Variants in ST7 observed in about 807,000 individuals in gnomAD.
ST7 encodes the protein suppression of tumorigenicity 7.
A neutral mutation model predicts 78.7 loss-of-function variants in ST7; 28 were observed. The ratio of observed to expected loss-of-function variants is 0.36; its 90% confidence interval spans 0.26 to 0.49. The LOEUF is 0.49. ST7 is among the 20% of genes least tolerant of loss of function. The pLI is 0.99. For synonymous variants in ST7, 247 were observed against 249.6 expected, an observed-to-expected ratio of 0.99 and a Z score of 0.10; for missense variants, 418 against 696.0, an observed-to-expected ratio of 0.60 and a Z score of 4.49.
At chr7:117,006,839 T>C (rs968024824) in intron 1 of ST7, among the ~76,000 whole-genome samples, 8 of 152,184 alleles carry the variant, frequency 5.3e-5, no homozygotes, top group Admixed American at 4.6e-4. Flanking sequence ...TTATATCTGT[T>C]ATGGTGAGCT....
At chr7:117,043,080 A>T (rs989839836) in intron 1 of ST7, among the ~76,000 whole-genome samples, 3 of 152,220 alleles carry the variant, frequency 2.0e-5, no homozygotes, top group Non-Finnish European at 2.9e-5. Context: ...TTTAGAACTA[A>T]TGTAATCCAT....
intron 6 of ST7, 112 bp from the exon 7 acceptor site, chr7:117,134,012 G>T: frequency 7.3e-7 from 1 of 1,379,280 alleles, no homozygotes; most frequent in Non-Finnish European, 9.7e-7. Context: ...TGAATTTTTT[G>T]AAGTCCACCT....
At position 117,172,134 on chromosome 7, in the gene ST7, G is replaced by A. The variant is rs34290203; in HGVS notation, c.1078+1158G>A. Among the ~76,000 whole-genome samples the A allele has an allele frequency of 1.2e-3, 186 of 151,992 alleles. 2 individuals carry two copies. Among genetic ancestry groups the A allele is most frequent in the Admixed American group, 4.5e-3 (68 of 15,258 alleles). Reference sequence around the variant, plus strand: ...CTTGGCTAATTTTTAAATTTTTTTTGTAGAGACTGGTTATCGTTATGTTAC... The same window carrying A: ...CTTGGCTAATTTTTAAATTTTTTTTATAGAGACTGGTTATCGTTATGTTAC... On this transcript the variant is annotated intron_variant, in intron 10 of 15. Coordinates refer to ENST00000323984, the MANE Select transcript of ST7 (RefSeq NM_001369598.1).
intron 2 of ST7, among the ~76,000 whole-genome samples, chr7:117,101,126 G>T (rs957507809): frequency 6.6e-6 from 1 of 152,142 alleles, no homozygotes; most frequent in Admixed American, 6.5e-5. Flanking sequence ...ATGGCAGTGT[G>T]GGGAGGATCT....
intron 10 of ST7, chr7:117,173,608 G>A (rs1464673322): frequency 6.6e-6 from 1 of 152,174 alleles, no homozygotes; most frequent in Non-Finnish European, 1.5e-5. Context: ...AGCTTTTAGG[G>A]CATTCTGATC....
chr7:117,183,794 A>G lies in ST7; in HGVS notation c.1079-5527A>G, dbSNP rs533096012. ...GAGAAATGAGTTTTCTTACGCTTAC[A>G]CAAAAATGATCACAGCAGCTTTCTT... On this transcript the variant is annotated intron_variant, in intron 10 of 15. Transcript: ENST00000323984. Among the ~76,000 whole-genome samples, 7 of 152,358 alleles carry G rather than the reference A, an allele frequency of 4.6e-5. No individual in the cohort carries two copies. The East Asian group carries it at 1.3e-3, about 29-fold the overall frequency.
rs1235593301 is a variant in ST7, at chr7:117,219,811, C to G, written c.1498+635C>G. 6.6e-6 allele frequency among the ~76,000 whole-genome samples: 1 copy of G among 152,264 alleles called. No individual in the cohort carries two copies. Among genetic ancestry groups the G allele is most frequent in the African/African-American group, 2.4e-5 (1 of 41,476 alleles). Reference sequence around the variant, plus strand: ...GAAAACCCTGCCCTCGACTACCTTACACTTGCTAGCAGTCTAATGACCCAT... The same window carrying G: ...GAAAACCCTGCCCTCGACTACCTTAGACTTGCTAGCAGTCTAATGACCCAT... On this transcript the variant is annotated intron_variant, in intron 14 of 15. Transcript: ENST00000323984. The surrounding 1 kb of genome is among the most constrained non-coding windows in gnomAD (Gnocchi z 5.1).
At chr7:117,172,052 G>A (rs1417281370) in intron 10 of ST7, among the ~76,000 whole-genome samples, 1 of 151,452 alleles carries the variant, frequency 6.6e-6, no homozygotes, top group Admixed American at 6.6e-5. Flanking sequence ...CTGGGTTCTA[G>A]CCATCCTCCT....
chr7:117,022,434 A>G (rs1196825852), intron 1 of ST7, among the ~76,000 whole-genome samples: 2 of 151,928 alleles, frequency 1.3e-5, no homozygotes, highest in African/African-American at 4.8e-5. Context: ...AACTTAAAGT[A>G]TAATAATAAT....
At chr7:116,986,235 T>C (rs1172884667) in intron 1 of ST7, among the ~76,000 whole-genome samples, 1 of 152,220 alleles carries the variant, frequency 6.6e-6, no homozygotes, top group Non-Finnish European at 1.5e-5. Flanking sequence ...TGTTTCATTC[T>C]AACTGTAAGT....
At chr7:116,989,597 G>C (rs1794336839) in intron 1 of ST7, among the ~76,000 whole-genome samples, 1 of 151,544 alleles carries the variant, frequency 6.6e-6, no homozygotes, top group South Asian at 2.1e-4. Context: ...CCAGCACTTT[G>C]GGAGGCTGAG....
In ST7 at chr7:117,138,404, A is replaced by T. The variant is rs568577434; in HGVS notation, c.866-31A>T. On this transcript the variant is annotated intron_variant, in intron 8 of 15. Transcript: ENST00000323984. ...GGGCCTCTGTATTTTTTTTTTTTTT[A>T]AATGTTGGTGTTTTATATCTCCCTC... The T allele has an allele frequency of 2.8e-3, 3,745 of 1,333,316 alleles. 23 individuals carry two copies. The East Asian group carries it at 0.047, about 17-fold the overall frequency. 82.6% of individuals were successfully genotyped at this position (1,333,316 alleles called of 1,614,324 possible).
chr7:116,956,194 G>C (rs1053226861), intron 1 of ST7, among the ~76,000 whole-genome samples: 1 of 152,146 alleles, frequency 6.6e-6, no homozygotes, highest in African/African-American at 2.4e-5. Flanking sequence ...AGTTATAGTA[G>C]GAAAACTGCC....
At chr7:117,025,047 A>G (rs1406637897) in intron 1 of ST7, among the ~76,000 whole-genome samples, 1 of 152,222 alleles carries the variant, frequency 6.6e-6, no homozygotes, top group African/African-American at 2.4e-5. Context: ...GAGGTAGTCA[A>G]ATGAATAATA....
chr7:117,143,797 C>T (rs1032206378), intron 9 of ST7, among the ~76,000 whole-genome samples: 9 of 152,194 alleles, frequency 5.9e-5, no homozygotes, highest in Non-Finnish European at 1.0e-4. Context: ...TGAGTAATAA[C>T]GACTCATTGT....
intron 3 of ST7, among the ~76,000 whole-genome samples, chr7:117,120,080 A>T (rs574785297): frequency 6.6e-6 from 1 of 152,056 alleles, no homozygotes; most frequent in East Asian, 1.9e-4. Context: ...ACAGGTGTGC[A>T]CCACCATGCC....
intron 15 of ST7, chr7:117,223,301 A>C: frequency 3.4e-6 from 1 of 298,250 alleles, no homozygotes. Flanking sequence ...CTTATCCTCC[A>C]CCGTCTTTCT....
In ST7 at chr7:117,229,778, T is replaced by C; in HGVS notation, c.1655T>C (p.Phe552Ser). Residue 552 changes from phenylalanine (F) to serine (S), a missense_variant, in exon 16 of 16, where the codon TTT becomes TCT. Phe to Ser is a radical substitution (Grantham distance 155). Coordinates refer to ENST00000323984, the MANE Select transcript of ST7 (RefSeq NM_001369598.1). ...VFAKAFLSTLFAPLNFVMEKV... is the reference protein window; with the variant it reads ...VFAKAFLSTLSAPLNFVMEKV... ...TCTTTGCAGTTCCTCAGCACTTTGT[T>C]TGCCCCCTTAAACTTTGTCATGGAG... 6.2e-7 allele frequency: 1 copy of C among 1,612,748 alleles called. No individual in the cohort carries two copies.
At chr7:117,102,526 T>C (rs775775959) in intron 2 of ST7, among the ~76,000 whole-genome samples, 13 of 152,046 alleles carry the variant, frequency 8.6e-5, no homozygotes, top group East Asian at 5.8e-4. Context: ...ACAGAAAAAA[T>C]TGTGGTAAGT....
Sources: gnomAD v4.1 joint callset for allele counts (sites outside exome capture counted in the v4.1 genomes callset) on GRCh38, gnomAD v4.1.1 for gene constraint, Gnocchi (gnomAD v3.1) non-coding constraint, MANE v1.5 for transcripts, NCBI Gene and HGNC (gene_info 2026-07-23, HGNC 2026-07-21) for gene names.